BIRC6: variants seen among roughly 807,000 people sequenced by gnomAD.
The protein encoded by BIRC6 is baculoviral IAP repeat containing 6.
BIRC6 carries 98 observed loss-of-function variants against 503.3 expected under a neutral mutation model. The ratio of observed to expected loss-of-function variants is 0.19; its 90% CI spans 0.17 to 0.23. The LOEUF (loss-of-function observed/expected upper bound fraction) is 0.23. BIRC6 is among the 10% of genes least tolerant of loss of function. The pLI is 1.00. For missense variants in BIRC6, 5,360 were observed against 5,806.0 expected (o/e 0.92, Z 2.50); for synonymous variants, 2,240 against 2,078.7 (o/e 1.08, Z -2.11).
At chr2:32,542,015 G>T (rs1413050275) in intron 61 of BIRC6, among the ~76,000 whole-genome samples, 1 of 151,898 alleles carries the variant, frequency 6.6e-6, no homozygotes, top group Non-Finnish European at 1.5e-5. Context: ...GCATTTTGTT[G>T]TCTTGTAGTC....
At position 32,611,893 on chromosome 2, in the gene BIRC6, G is replaced by A. The variant is rs895494176; in HGVS notation, c.14394+311G>A. On this transcript the variant is annotated intron_variant, in intron 73 of 73. Coordinates refer to ENST00000421745, the MANE Select transcript of BIRC6 (RefSeq NM_016252.4). ...CTTTTCCTTTTTCTTTTTTTCTTTT[G>A]AGACTGGATTTCATTCTGTTGTCCC... Among the ~76,000 whole-genome samples the A allele has an allele frequency of 2.6e-5, 4 of 151,514 alleles. No homozygotes were observed. In the East Asian group the frequency reaches 7.7e-4, roughly 29 times the overall value.
chr2:32,384,115 G>A (rs1396355980), intron 3 of BIRC6, among the ~76,000 whole-genome samples: 1 of 152,124 alleles, frequency 6.6e-6, no homozygotes. Context: ...TCCTCCCTTG[G>A]GAGTAAGACC....
chr2:32,588,654 A>G (rs1256635758), intron 66 of BIRC6, among the ~76,000 whole-genome samples: 1 of 152,170 alleles, frequency 6.6e-6, no homozygotes, highest in African/African-American at 2.4e-5. Flanking sequence ...GTAAGCAAAA[A>G]CACTCCCCAT....
At position 32,617,830 on chromosome 2, in the gene BIRC6, G is replaced by A; in HGVS notation, c.14500G>A (p.Ala4834Thr). 1 of 1,614,016 alleles carries A rather than the reference G, an allele frequency of 6.2e-7. No homozygotes were observed. The highest frequency in any genetic ancestry group is 8.5e-7 in the Non-Finnish European group (1 of 1,179,894). The change falls in exon 74 of 74, where the codon GCT becomes ACT. Residue 4834 changes from alanine to threonine, a missense_variant. Physicochemically the swap from Ala to Thr is moderately conservative, Grantham distance 58. Around this residue, in one of 16 missense-constraint regions of BIRC6, gnomAD observed 140 missense variants for 130.2 expected, o/e 1.07. Transcript: ENST00000421745. ...APEVCRATTG[A>T]EETLMHDQVK... ...AGAGGTGTGCAGAGCCACAACAGGTGCTGAGGAGACTCTAATGCATGATCA... is the reference window on the plus strand; with the variant it reads ...AGAGGTGTGCAGAGCCACAACAGGTACTGAGGAGACTCTAATGCATGATCA...
chr2:32,449,045 GA>G, intron 22 of BIRC6, 117 bp downstream of exon 22: 1 of 907,148 alleles, frequency 1.1e-6, no homozygotes, highest in East Asian at 2.7e-5. Flanking sequence ...AAATTCCTTA[GA>G]ACTTATCATA....
At position 32,543,814 on chromosome 2, in the gene BIRC6, C is replaced by G. The variant is rs114056690; in HGVS notation, c.12592+273C>G. ...GTAAACATGAAGCAGTTATTTAGAG[C>G]TACCCCCAAGTAGCTAATGTTCTCC... On this transcript the variant is annotated intron_variant, in intron 62 of 73. Transcript: ENST00000421745. Among the ~76,000 whole-genome samples, 1,289 of 152,286 alleles carry G rather than the reference C, an allele frequency of 8.5e-3. 9 individuals carry two copies. Among genetic ancestry groups the G allele is most frequent in the Middle Eastern group, 0.02 (6 of 294 alleles).
At chr2:32,400,906 G>T (rs1175000602) in intron 6 of BIRC6, among the ~76,000 whole-genome samples, 2 of 152,186 alleles carry the variant, frequency 1.3e-5, no homozygotes, top group Non-Finnish European at 2.9e-5. Context: ...TTTTTTCTGA[G>T]ATTGACTTTA....
chr2:32,588,211 C>A (rs562348574), intron 66 of BIRC6, among the ~76,000 whole-genome samples: 80 of 152,154 alleles, frequency 5.3e-4, no homozygotes, highest in African/African-American at 1.9e-3. Flanking sequence ...AAAATCTAGC[C>A]AGGCGTGGTG....
intron 15 of BIRC6, among the ~76,000 whole-genome samples, chr2:32,438,823 G>T (rs902650113): frequency 6.6e-6 from 1 of 152,138 alleles, no homozygotes; most frequent in Non-Finnish European, 1.5e-5. Flanking sequence ...CCCTCCCAAA[G>T]TGCTGGGATT....
At chr2:32,426,023 C>G (rs1351412936) in intron 10 of BIRC6, among the ~76,000 whole-genome samples, 1 of 152,166 alleles carries the variant, frequency 6.6e-6, no homozygotes, top group African/African-American at 2.4e-5. Flanking sequence ...CCTGTTAGGT[C>G]CCATAGTTCT....
intron 71 of BIRC6, 35 bp downstream of exon 71, chr2:32,603,118 A>C (rs746249964): frequency 6.4e-7 from 1 of 1,557,888 alleles, no homozygotes; most frequent in African/African-American, 1.4e-5. Context: ...TCACTTAAGA[A>C]ATAAAGAACT....
rs1239822391 is a variant in BIRC6 at position 32,479,483 on chromosome 2, C to T, written c.7274C>T (p.Ala2425Val). The change falls in exon 37 of 74, where the codon GCC becomes GTC. Residue 2425 changes from alanine to valine, a missense_variant. By Grantham distance (64) the Ala-to-Val change is moderately conservative (BLOSUM62 0). Transcript: ENST00000421745. ...ACAGGAGAATTACTGGCTCCAGTAG[C>T]CGCAGAAGCCATGGAGGAAGGAACA... The part of the protein sequence containing the change: ...ILAGELLAPV[A>V]AEAMEEGTVG... 6.2e-7 allele frequency: 1 copy of T among 1,601,902 alleles called. No individual in the cohort carries two copies. Among genetic ancestry groups the T allele is most frequent in the East Asian group, 2.2e-5 (1 of 44,542 alleles).
At position 32,433,533 on chromosome 2, in the gene BIRC6, T is replaced by C. The variant is rs974935770; in HGVS notation, c.3249-111T>C. On this transcript the variant is annotated intron_variant, in intron 12 of 73. Coordinates refer to ENST00000421745, the MANE Select transcript of BIRC6 (RefSeq NM_016252.4). ...CTTGATCCCATTGAGAAACACTAGA[T>C]TTTGTTGGAAGCTGCAAAGCAAAAA... 6 of 894,736 alleles carry C rather than the reference T, an allele frequency of 6.7e-6. No homozygotes were observed. The African/African-American group carries it at 1.0e-4, about 15-fold the overall frequency. The allele number at this position is 894,736 out of a possible 1,614,324, so 55.4% of individuals were successfully genotyped here.
chr2:32,401,105 T>C (rs2040557667), intron 6 of BIRC6, 58 bp from the exon 7 acceptor site: 2 of 1,426,402 alleles, frequency 1.4e-6, no homozygotes, highest in African/African-American at 1.4e-5. Context: ...TCTGTTTTAA[T>C]GTACAAACTG....
intron 72 of BIRC6, 86 bp from the exon 73 acceptor site, chr2:32,611,362 C>T (rs2062864364): frequency 1.0e-6 from 1 of 961,334 alleles, no homozygotes; most frequent in East Asian, 3.0e-5. Flanking sequence ...ATTTATAATA[C>T]ATTTTACTTC....
At chr2:32,608,889 T>A (rs548831447) in intron 72 of BIRC6, among the ~76,000 whole-genome samples, 1 of 152,266 alleles carries the variant, frequency 6.6e-6, no homozygotes, top group South Asian at 2.1e-4. Flanking sequence ...TTCTTTTTTT[T>A]ATTTTTTTGA....
chr2:32,525,081 T>C (rs976240322), intron 58 of BIRC6, 62 bp downstream of exon 58: 3 of 1,345,584 alleles, frequency 2.2e-6, no homozygotes, highest in African/African-American at 3.0e-5. Context: ...ATTAGAATTT[T>C]AGTTACAGGA....
At chr2:32,591,379 A>T (rs2061371150) in intron 66 of BIRC6, among the ~76,000 whole-genome samples, 2 of 152,174 alleles carry the variant, frequency 1.3e-5, no homozygotes, top group African/African-American at 2.4e-5. Flanking sequence ...AAAAAAATAA[A>T]ATTTATCATC....
intron 66 of BIRC6, among the ~76,000 whole-genome samples, chr2:32,591,980 A>G (rs1209679605): frequency 6.6e-6 from 1 of 152,232 alleles, no homozygotes; most frequent in Admixed American, 6.5e-5. Flanking sequence ...TTACTCTACC[A>G]GAATCATGTC....
Sources: allele counts gnomAD v4.1 joint callset (sites outside exome capture counted in the v4.1 genomes callset), GRCh38; gene constraint gnomAD v4.1.1; regional missense constraint gnomAD v4.1.1; transcripts MANE v1.5; gene names NCBI Gene and HGNC (gene_info 2026-07-23, HGNC 2026-07-21).